The following HPR variants were observed in gnomAD, a reference collection of about 807,000 sequenced individuals.
HPR encodes Haptoglobin-related locus.
In HPR, 17 loss-of-function variants were observed where a neutral mutation model predicts 18.5. The ratio of observed to expected loss-of-function variants is 0.92; its 90% CI spans 0.63 to 1.38. The LOEUF (loss-of-function observed/expected upper bound fraction) is 1.38, where lower values mean the gene tolerates loss of function less well. HPR is among the 40% of genes most tolerant of loss of function. The probability of loss-of-function intolerance (pLI) is 0.00; values close to 1 mark genes in which losing one functional copy is unlikely to be tolerated. For synonymous variants in HPR, 176 were observed against 165.0 expected (o/e 1.07, Z -0.51); for missense variants, 457 against 432.4 (o/e 1.06, Z -0.51).
Position 72,063,491 on chromosome 16 carries a change from G to C in HPR, c.5+231G>C, listed in dbSNP as rs567525626. Among the ~76,000 whole-genome samples, 12 of 152,194 alleles carry C rather than the reference G, an allele frequency of 7.9e-5. 1 individual carries two copies. The East Asian group carries it at 9.7e-4, about 12-fold the overall frequency. ...TACTCTCAGGAGTGTCTTTTTCCTT[G>C]AGGTTACGTTTTTGTCTTTGTAGGG... On this transcript the variant is annotated intron_variant, in intron 1 of 4. Transcript: ENST00000540303.
Position 72,073,814 on chromosome 16 carries a change from G to A in HPR, c.6-78G>A, listed in dbSNP as rs561883354. 1,434 of 1,607,710 alleles carry A rather than the reference G, an allele frequency of 8.9e-4. 1 individual carries two copies. The highest frequency in any genetic ancestry group is 1.1e-3 in the Non-Finnish European group (1,345 of 1,178,128). ...TGTGCGTGTGTGTGTGTGTGTACAT[G>A]CCTGTGTGTGTGGATGCATGCATGT... On this transcript the variant is annotated intron_variant, in intron 1 of 4. Transcript: ENST00000540303.
chr16:72,076,623 A>T lies in HPR; in HGVS notation c.589A>T (p.Lys197Ter). The T allele has an allele frequency of 6.2e-7, 1 of 1,614,140 alleles. No individual in the cohort carries two copies. Among genetic ancestry groups the T allele is most frequent in the Non-Finnish European group, 8.5e-7 (1 of 1,180,004 alleles). ...VDIGLIKLKQ[K>*]VLVNERVMPI... The stretch of plus-strand genomic sequence containing the variant: ...TATTGGGCTCATCAAACTCAAACAG[A>T]AGGTGCTTGTTAATGAGAGAGTGAT... The change falls in exon 5 of 5, where the codon AAG (lysine) becomes TAG (stop). Residue 197 changes from lysine (K) to a stop codon, truncating the protein, a stop_gained. Transcript: ENST00000540303. LOFTEE classifies it low-confidence loss of function (END_TRUNC).
rs1460662038 is a variant in HPR, at chr16:72,074,350, G to A, written c.158G>A (p.Cys53Tyr). 6.2e-7 allele frequency: 1 copy of A among 1,614,034 alleles called. No individual in the cohort carries two copies. Among genetic ancestry groups the A allele is most frequent in the Non-Finnish European group, 8.5e-7 (1 of 1,179,950 alleles). Residue 53 changes from cysteine (C) to tyrosine (Y), a missense_variant, in exon 3 of 5, where the codon TGT becomes TAT. By Grantham distance (194) the Cys-to-Tyr change is radical. Coordinates refer to ENST00000540303, the MANE Select transcript of HPR (RefSeq NM_020995.4). ...GYVEHLFRYQ[C>Y]KNYYRLRTEG... Reference sequence around the variant, plus strand: ...GTGGAGCACTTGTTTCGCTACCAGTGTAAGAACTACTACAGACTGCGCACA... The same window carrying A: ...GTGGAGCACTTGTTTCGCTACCAGTATAAGAACTACTACAGACTGCGCACA...
At chr16:72,066,980 C>T (rs1597415790) in intron 1 of HPR, among the ~76,000 whole-genome samples, 1 of 152,226 alleles carries the variant, frequency 6.6e-6, no homozygotes, top group African/African-American at 2.4e-5. Context: ...GCTAGAGGAC[C>T]CAAGTCTACA....
At chr16:72,076,280 G>A (rs1273400259) in intron 4 of HPR, 23 bp from the exon 5 acceptor site, 4 of 1,607,568 alleles carry the variant, frequency 2.5e-6, no homozygotes, top group African/African-American at 2.7e-5. Flanking sequence ...TTCCACTCAC[G>A]AGTGTCTTGC....
chr16:72,076,703 G>T lies in HPR; in HGVS notation c.669G>T (p.Val223=), dbSNP rs753434828. The T allele has an allele frequency of 7.4e-6, 12 of 1,614,088 alleles. No individual in the cohort carries two copies. In the South Asian group the frequency reaches 7.7e-5, roughly 10 times the overall value. ...NYAEVGRVGY[V]SGWGQSDNFK... ...CAGAAGTAGGGCGTGTGGGTTACGT[G>T]TCTGGCTGGGGACAAAGTGACAACT... The change falls in exon 5 of 5, where the codon GTG becomes GTT. Residue 223 remains valine, a synonymous_variant. Transcript: ENST00000540303.
chr16:72,074,329 A>G lies in HPR; in HGVS notation c.137A>G (p.Glu46Gly), dbSNP rs1271479812. Residue 46 changes from glutamate (E) to glycine (G), a missense_variant, in exon 3 of 5, where the codon GAG becomes GGG. By Grantham distance (98) the Glu-to-Gly change is moderately conservative (BLOSUM62 -2). Transcript: ENST00000540303. ...CCTGAGATTGCAAATGGCTATGTGG[A>G]GCACTTGTTTCGCTACCAGTGTAAG... ...KPPEIANGYV[E>G]HLFRYQCKNY... The G allele has an allele frequency of 6.2e-7, 1 of 1,614,076 alleles. No homozygotes were observed.
chr16:72,065,735 C>T (rs1314239413), intron 1 of HPR, among the ~76,000 whole-genome samples: 1 of 152,132 alleles, frequency 6.6e-6, no homozygotes, highest in Non-Finnish European at 1.5e-5. Context: ...CTAGACTATG[C>T]TCTTTGTTGG....
chr16:72,076,538 G>T lies in HPR; in HGVS notation c.504G>T (p.Gly168=). The T allele has an allele frequency of 1.2e-6, 2 of 1,614,140 alleles. No homozygotes were observed. The highest frequency in any genetic ancestry group is 4.5e-5 in the East Asian group (2 of 44,886). ...CCCCTACTTTAACACTCTATGTGGG[G>T]AAAAAGCAGCTTGTAGAGATTGAGA... The part of the protein sequence containing the change: ...DIAPTLTLYV[G]KKQLVEIEKV... The change falls in exon 5 of 5, where the codon GGG becomes GGT. Residue 168 remains glycine, a synonymous_variant. Coordinates refer to ENST00000540303, the MANE Select transcript of HPR (RefSeq NM_020995.4).
At chr16:72,071,847 G>C (rs1198685131) in intron 1 of HPR, among the ~76,000 whole-genome samples, 4 of 152,204 alleles carry the variant, frequency 2.6e-5, no homozygotes, top group Middle Eastern at 3.2e-3. Context: ...TCATGGGTCT[G>C]TTGACTCCCA....
intron 3 of HPR, 94 bp downstream of exon 3, chr16:72,074,479 C>G: frequency 9.0e-7 from 1 of 1,110,982 alleles, no homozygotes; most frequent in South Asian, 1.2e-5. Context: ...CCAGAAAGTT[C>G]GTTGCTCTCC....
chr16:72,071,892 G>A (rs1320298676), intron 1 of HPR, among the ~76,000 whole-genome samples: 1 of 152,198 alleles, frequency 6.6e-6, no homozygotes, highest in Non-Finnish European at 1.5e-5. Flanking sequence ...CCAACGAGGA[G>A]TGCCAGATGA....
intron 3 of HPR, 27 bp downstream of exon 3, chr16:72,074,412 C>A: frequency 1.3e-6 from 2 of 1,540,606 alleles, no homozygotes; most frequent in Non-Finnish European, 1.8e-6. Context: ...TATCTCTGTG[C>A]TCTACCTACA....
In HPR at chr16:72,077,144, G is replaced by A; in HGVS notation, c.*63G>A. On this transcript the variant is annotated 3_prime_UTR_variant, in exon 5 of 5. Transcript: ENST00000540303. ...TTTCAGCCTGGAAGAGGGCAAAGTG[G>A]ACGGGAGTGGACAGGAGTGGATGCG... 6.6e-7 allele frequency: 1 copy of A among 1,515,972 alleles called. No homozygotes were observed. 93.9% of individuals were successfully genotyped at this position (1,515,972 alleles called of 1,614,324 possible). A position where few individuals can be genotyped will look rare whatever the true frequency, so the allele number is the denominator to read the frequency against.
chr16:72,073,644 G>A, intron 1 of HPR: 1 of 1,337,052 alleles, frequency 7.5e-7, no homozygotes, highest in Non-Finnish European at 9.8e-7. Context: ...GACAGAGCTT[G>A]CTGGAAGCTT....
At chr16:72,072,685 G>A (rs748718798) in intron 1 of HPR, among the ~76,000 whole-genome samples, 16 of 152,098 alleles carry the variant, frequency 1.1e-4, no homozygotes, top group Non-Finnish European at 2.2e-4. Flanking sequence ...GTCATACCCT[G>A]TGCCCTAGGA....
At chr16:72,066,359 A>C (rs2041598057) in intron 1 of HPR, among the ~76,000 whole-genome samples, 3 of 152,200 alleles carry the variant, frequency 2.0e-5, no homozygotes, top group Non-Finnish European at 4.4e-5. Context: ...GGGAGGAAAG[A>C]AGCATGATCC....
chr16:72,073,161 C>T (rs1281599251), intron 1 of HPR, among the ~76,000 whole-genome samples: 4 of 152,124 alleles, frequency 2.6e-5, no homozygotes, highest in African/African-American at 4.8e-5. Flanking sequence ...TTAGATTGTA[C>T]GGTCCAACTC....
intron 3 of HPR, 95 bp downstream of exon 3, chr16:72,074,480 G>A (rs1165183126): frequency 2.3e-5 from 26 of 1,111,866 alleles, no homozygotes; most frequent in Middle Eastern, 3.9e-4. Context: ...CAGAAAGTTC[G>A]TTGCTCTCCT....
Sources: gnomAD v4.1 joint callset for allele counts (sites outside exome capture counted in the v4.1 genomes callset) on GRCh38, gnomAD v4.1.1 for gene constraint, MANE v1.5 for transcripts, NCBI Gene and HGNC (gene_info 2026-07-23, HGNC 2026-07-21) for gene names.